Variants in HTT observed in about 807,000 individuals in gnomAD.
The protein encoded by HTT is huntington disease protein.
Under a neutral mutation model 362.3 loss-of-function variants are expected in HTT, and 104 were observed. The observed-to-expected ratio is 0.29, with a 90% CI of 0.24 to 0.34. HTT has a LOEUF of 0.34. HTT is among the 10% of genes least tolerant of loss of function. The probability of loss-of-function intolerance (pLI) is 1.00; values close to 1 mark genes in which losing one functional copy is unlikely to be tolerated. For synonymous variants in HTT, 1,577 were observed against 1,548.7 expected, an observed-to-expected ratio of 1.02 and a Z score of -0.43; for missense variants, 3,301 against 3,928.6, an observed-to-expected ratio of 0.84 and a Z score of 4.27.
chr4:3,233,308 C>G lies in HTT; in HGVS notation c.8411C>G (p.Pro2804Arg). 6.2e-7 allele frequency: 1 copy of G among 1,608,998 alleles called. No individual in the cohort carries two copies. The highest frequency in any genetic ancestry group is 8.5e-7 in the Non-Finnish European group (1 of 1,176,384). Residue 2804 changes from proline (P) to arginine (R), a missense_variant, in exon 61 of 67, where the codon CCG becomes CGG. By Grantham distance (103) the Pro-to-Arg change is moderately radical. Coordinates refer to ENST00000355072, the MANE Select transcript of HTT (RefSeq NM_001388492.1). ...GACGACACTGCCAAGCAGCTCATCC[C>G]GGTCATCAGCGACTATCTCCTCTCC... is the stretch of plus-strand genomic sequence containing the variant. ...LLDDTAKQLI[P>R]VISDYLLSNL...
chr4:3,100,703 T>C (rs1404999199), intron 3 of HTT, among the ~76,000 whole-genome samples: 1 of 152,210 alleles, frequency 6.6e-6, no homozygotes, highest in East Asian at 1.9e-4. Context: ...CTTGCTTGCT[T>C]CTTTTATTCT....
At chr4:3,213,917 G>A (rs1339567478) in intron 49 of HTT, 41 bp from the exon 50 acceptor site, 2 of 1,469,436 alleles carry the variant, frequency 1.4e-6, no homozygotes, top group Admixed American at 2.2e-5. Context: ...CCAAACGAAG[G>A]TACACGAGTG....
Position 3,172,944 on chromosome 4 carries a change from C to T in HTT, c.3979C>T (p.Gln1327Ter), listed in dbSNP as rs1224065426. The change falls in exon 31 of 67, where the codon CAG (glutamine) becomes TAG (stop). Residue 1327 changes from glutamine to a stop codon, truncating the protein, a stop_gained. Coordinates refer to ENST00000355072, the MANE Select transcript of HTT (RefSeq NM_001388492.1). LOFTEE classifies it high-confidence loss of function. ...TCTCTTTGGCACAAACTTGGCCTCC[C>T]AGTTTGATGGCTTATCTTCCAACCC... ...KTLFGTNLASQFDGLSSNPSK... is the reference protein window; with the variant it reads ...KTLFGTNLAS The T allele has an allele frequency of 6.2e-7, 1 of 1,614,176 alleles. No homozygotes were observed. Among genetic ancestry groups the T allele is most frequent in the Non-Finnish European group, 8.5e-7 (1 of 1,180,030 alleles).
chr4:3,104,263 T>C (rs1367418994), intron 4 of HTT, among the ~76,000 whole-genome samples: 2 of 151,952 alleles, frequency 1.3e-5, no homozygotes, highest in African/African-American at 4.8e-5. Context: ...CCTCCCAAAG[T>C]GTTGGGATTA....
rs773263075 is a variant in HTT at position 3,107,279 on chromosome 4, A to G, written c.609-6A>G. ...AAGAATGACTTGCGTTCTTTTGCAT[A>G]CACAGGCCTTACCTGGTGAACCTTC... On this transcript the variant is annotated splice_polypyrimidine_tract_variant and splice_region_variant and intron_variant, in intron 5 of 66. Transcript: ENST00000355072. The G allele has an allele frequency of 3.1e-6, 5 of 1,613,278 alleles. No homozygotes were observed.
intron 6 of HTT, among the ~76,000 whole-genome samples, chr4:3,109,990 G>T (rs1280049495): frequency 6.6e-6 from 1 of 152,154 alleles, no homozygotes; most frequent in Non-Finnish European, 1.5e-5. Flanking sequence ...GGAGACAGCC[G>T]CCCACTTCTT....
chr4:3,160,139 C>G, intron 28 of HTT, 143 bp from the exon 29 acceptor site: 1 of 574,896 alleles, frequency 1.7e-6, no homozygotes. Flanking sequence ...ACAACAAACA[C>G]GCAGACACAC....
intron 8 of HTT, among the ~76,000 whole-genome samples, chr4:3,117,108 T>A (rs1715068276): frequency 6.6e-6 from 1 of 152,238 alleles, no homozygotes; most frequent in South Asian, 2.1e-4. Flanking sequence ...ATGTAAGTGC[T>A]GCGTGTTGAT....
chr4:3,224,345 G>A (rs1401196561), intron 56 of HTT, among the ~76,000 whole-genome samples: 1 of 152,204 alleles, frequency 6.6e-6, no homozygotes, highest in Non-Finnish European at 1.5e-5. Context: ...ATTCTCTCCT[G>A]CCAGTCAAGA....
intron 47 of HTT, among the ~76,000 whole-genome samples, chr4:3,210,824 AGT>A: frequency 6.6e-6 from 1 of 152,098 alleles, no homozygotes; most frequent in East Asian, 1.9e-4. Context: ...GCAACACAAC[AGT>A]GTGTTCTGAT....
At position 3,236,235 on chromosome 4, in the gene HTT, G is replaced by A; in HGVS notation, c.8872G>A (p.Val2958Ile). Residue 2958 changes from valine (V) to isoleucine (I), a missense_variant, in exon 64 of 67, where the codon GTA becomes ATA. By Grantham distance (29) the Val-to-Ile change is conservative. Coordinates refer to ENST00000355072, the MANE Select transcript of HTT (RefSeq NM_001388492.1). ...SESVIVAMER[V>I]SVLFDRIRKG... ...GTCAGTGATTGTTGCTATGGAGCGG[G>A]TATCTGTTCTTTTTGATAGGTAAGA... 6.2e-7 allele frequency: 1 copy of A among 1,613,424 alleles called. No homozygotes were observed. The highest frequency in any genetic ancestry group is 1.7e-5 in the Admixed American group (1 of 60,030).
intron 1 of HTT, among the ~76,000 whole-genome samples, chr4:3,083,296 G>T (rs1467258391): frequency 6.6e-6 from 1 of 152,086 alleles, no homozygotes; most frequent in Admixed American, 6.6e-5. Flanking sequence ...TGTGGTGGGA[G>T]GATTGCCTGA....
intron 40 of HTT, among the ~76,000 whole-genome samples, chr4:3,198,983 T>G (rs1362896905): frequency 2.6e-5 from 4 of 152,212 alleles, no homozygotes; most frequent in Admixed American, 6.5e-5. Flanking sequence ...CCTCAGTCCT[T>G]AGCAAGCCCA....
Position 3,074,905 on chromosome 4 carries a change from A to AGCAGCAGCG in HTT, c.88_89insGGCAGCAGC (p.Gln29_Gln30insArgGlnGln). 1 of 1,499,556 alleles carries AGCAGCAGCG rather than the reference A, an allele frequency of 6.7e-7. No homozygotes were observed. Among genetic ancestry groups the AGCAGCAGCG allele is most frequent in the Non-Finnish European group, 8.9e-7 (1 of 1,128,210 alleles). 92.9% of individuals were successfully genotyped at this position (1,499,556 alleles called of 1,614,324 possible). ...CAGCAGCAGCAGCAGCAGCAGCAGC[A>AGCAGCAGCG]GCAGCAGCAGCAGCAGCAGCAGCAG... On this transcript the variant is annotated inframe_insertion, in exon 1 of 67. Coordinates refer to ENST00000355072, the MANE Select transcript of HTT (RefSeq NM_001388492.1).
At chr4:3,133,919 G>A (rs920198785) in intron 18 of HTT, among the ~76,000 whole-genome samples, 1 of 152,170 alleles carries the variant, frequency 6.6e-6, no homozygotes, top group Non-Finnish European at 1.5e-5. Context: ...CCATGCATGT[G>A]ATGGTGCCCC....
chr4:3,176,033 TTG>T (rs1262419684), intron 33 of HTT, among the ~76,000 whole-genome samples: 3 of 147,114 alleles, frequency 2.0e-5, no homozygotes, highest in Middle Eastern at 3.5e-3. Context: ...TTGTTTTTTT[TTG>T]TTTTTTTTTT....
At chr4:3,157,749 G>GT (rs1717220794) in intron 28 of HTT, among the ~76,000 whole-genome samples, 1 of 151,788 alleles carries the variant, frequency 6.6e-6, no homozygotes, top group Non-Finnish European at 1.5e-5. Flanking sequence ...GGATGTTTTA[G>GT]TTTTTTAGTT....
intron 3 of HTT, among the ~76,000 whole-genome samples, chr4:3,101,732 T>A (rs1284003905): frequency 6.6e-6 from 1 of 152,200 alleles, no homozygotes; most frequent in Non-Finnish European, 1.5e-5. Flanking sequence ...TCAGGTAGGT[T>A]AGTCTCAGGC....
chr4:3,228,522 G>A lies in HTT; in HGVS notation c.7849-93G>A, dbSNP rs768622445. 58 of 1,397,514 alleles carry A rather than the reference G, an allele frequency of 4.2e-5. No individual in the cohort carries two copies. The highest frequency in any genetic ancestry group is 5.5e-5 in the Non-Finnish European group (57 of 1,036,496). The allele number at this position is 1,397,514 out of a possible 1,614,324, so 86.6% of individuals were successfully genotyped here. A position where few individuals can be genotyped will look rare whatever the true frequency, so the allele number is the denominator to read the frequency against. On this transcript the variant is annotated intron_variant, in intron 57 of 66. Coordinates refer to ENST00000355072, the MANE Select transcript of HTT (RefSeq NM_001388492.1). The surrounding 1 kb of genome is among the most constrained non-coding windows in gnomAD (Gnocchi z 4.3). ...TTGCTAAGGGGCAGACTGTTAGACGGTAGGCATGTGCTGAGTCCCAGTGGC... is the reference window on the plus strand; with the variant it reads ...TTGCTAAGGGGCAGACTGTTAGACGATAGGCATGTGCTGAGTCCCAGTGGC...
Sources: allele counts gnomAD v4.1 joint callset (sites outside exome capture counted in the v4.1 genomes callset), GRCh38; gene constraint gnomAD v4.1.1; non-coding constraint Gnocchi (gnomAD v3.1); transcripts MANE v1.5; gene names NCBI Gene and HGNC (gene_info 2026-07-23, HGNC 2026-07-21).